Variants in HLTF observed in about 807,000 individuals in gnomAD.
The protein encoded by HLTF is helicase like transcription factor.
Under a neutral mutation model 129.4 loss-of-function variants are expected in HLTF, and 127 were observed. The ratio of observed to expected loss-of-function variants is 0.98; its 90% confidence interval spans 0.85 to 1.14. HLTF has a LOEUF of 1.14. Among genes scored for constraint, HLTF ranks in the 50% most tolerant of loss-of-function variants. The pLI is 0.00. For synonymous variants in HLTF, 332 were observed against 388.8 expected (o/e 0.85, Z 1.72); for missense variants, 1,139 against 1,187.1 (o/e 0.96, Z 0.60).
intron 13 of HLTF, among the ~76,000 whole-genome samples, chr3:149,056,680 T>A (rs1717464484): frequency 6.6e-6 from 1 of 152,224 alleles, no homozygotes. Flanking sequence ...ATTTATAAAG[T>A]AGGTGCAGTA....
At chr3:149,048,698 C>T (rs185710515) in intron 16 of HLTF, among the ~76,000 whole-genome samples, 165 bp downstream of exon 16, 25 of 152,220 alleles carry the variant, frequency 1.6e-4, no homozygotes, top group Non-Finnish European at 2.9e-4. Flanking sequence ...TGTTATATCA[C>T]GGGCAATTAT....
Position 149,076,024 on chromosome 3 carries a change from T to C in HLTF, c.252A>G (p.Ala84=), listed in dbSNP as rs1192413413. The C allele has an allele frequency of 7.1e-7, 1 of 1,415,122 alleles. No individual in the cohort carries two copies. The highest frequency in any genetic ancestry group is 9.9e-7 in the Non-Finnish European group (1 of 1,010,546). 87.7% of individuals were successfully genotyped at this position (1,415,122 alleles called of 1,614,324 possible). ...TGVVNNNEMV[A]LQRDPNNPYD... ...AAGGGTTATTAGGATCTCGTTGTAA[T>C]GCAACCATTTCATTATTATTAACCT... Residue 84 remains alanine (A), a synonymous_variant, in exon 3 of 25, where the codon GCA becomes GCG. Transcript: ENST00000310053.
chr3:149,049,264 C>T (rs1164112851), intron 15 of HLTF, among the ~76,000 whole-genome samples: 1 of 152,144 alleles, frequency 6.6e-6, no homozygotes, highest in Non-Finnish European at 1.5e-5. Flanking sequence ...GCAGAACTAG[C>T]ATTCAAACCC....
chr3:149,053,472 C>T (rs1024557697), intron 14 of HLTF, among the ~76,000 whole-genome samples: 3 of 152,198 alleles, frequency 2.0e-5, no homozygotes, highest in African/African-American at 7.2e-5. Context: ...AGAGTGTAAG[C>T]TTCCTGAGGC....
In HLTF at chr3:149,060,644, T is replaced by A; in HGVS notation, c.1284A>T (p.Lys428Asn). 1 of 1,609,956 alleles carries A rather than the reference T, an allele frequency of 6.2e-7. No homozygotes were observed. ...TATGGGTATATAGTATACACATACC[T>A]TTCGCCCTGCCTTTAGTTTCAGACT... Reference protein sequence around the residue: ...NVQSETKGRAKAGSSKVIEDV... With the variant: ...NVQSETKGRANAGSSKVIEDV... Residue 428 changes from lysine (K) to asparagine (N), a missense_variant and splice_region_variant, in exon 12 of 25, where the codon AAA becomes AAT. Lys to Asn is a moderately conservative substitution (Grantham distance 94). Coordinates refer to ENST00000310053, the MANE Select transcript of HLTF (RefSeq NM_003071.4).
At chr3:149,060,975 A>C (rs756125020) in intron 10 of HLTF, 117 bp from the exon 11 acceptor site, 102 of 684,864 alleles carry the variant, frequency 1.5e-4, no homozygotes, top group Admixed American at 2.7e-4. Flanking sequence ...TTTTTTGAAA[A>C]ATTTTTTAAA....
intron 22 of HLTF, 121 bp downstream of exon 22, chr3:149,039,460 A>G (rs1235313104): frequency 1.3e-5 from 8 of 619,362 alleles, no homozygotes; most frequent in South Asian, 2.8e-5. Flanking sequence ...GTGACTCTGA[A>G]TATCTTTCAG....
At chr3:149,054,348 A>T (rs1309662041) in intron 14 of HLTF, among the ~76,000 whole-genome samples, 1 of 152,180 alleles carries the variant, frequency 6.6e-6, no homozygotes, top group Non-Finnish European at 1.5e-5. Flanking sequence ...TATCAGGAAG[A>T]GCCAGTGGGA....
chr3:149,062,401 C>T (rs1718024887), intron 10 of HLTF, among the ~76,000 whole-genome samples: 1 of 152,214 alleles, frequency 6.6e-6, no homozygotes, highest in Non-Finnish European at 1.5e-5. Flanking sequence ...CTGATGAGTG[C>T]TGGCTTTGTG....
intron 18 of HLTF, among the ~76,000 whole-genome samples, chr3:149,043,398 CAG>C (rs1359070480): frequency 1.3e-5 from 2 of 151,026 alleles, no homozygotes; most frequent in Non-Finnish European, 3.0e-5. Flanking sequence ...CTAACATACA[CAG>C]AGAGAAATAA....
intron 15 of HLTF, among the ~76,000 whole-genome samples, chr3:149,049,808 G>A (rs1402629350): frequency 6.6e-6 from 1 of 152,108 alleles, no homozygotes; most frequent in Non-Finnish European, 1.5e-5. Flanking sequence ...GCCTGACCAA[G>A]ATGGTGAAAC....
At chr3:149,073,126 C>T in intron 5 of HLTF, 99 bp downstream of exon 5, 1 of 584,008 alleles carries the variant, frequency 1.7e-6, no homozygotes, top group East Asian at 3.0e-5. Context: ...ATTTGAAGAC[C>T]ACAAATACCC....
At chr3:149,063,036 G>T (rs1432599364) in intron 10 of HLTF, 1 of 456,140 alleles carries the variant, frequency 2.2e-6, no homozygotes, top group Non-Finnish European at 4.4e-6. Context: ...ACAAATATAA[G>T]GGTCATGGTC....
intron 8 of HLTF, among the ~76,000 whole-genome samples, chr3:149,067,988 G>A (rs987985360): frequency 6.6e-6 from 1 of 152,082 alleles, no homozygotes; most frequent in African/African-American, 2.4e-5. Context: ...TTGAGCCTGG[G>A]AAGCAGAGGT....
intron 13 of HLTF, among the ~76,000 whole-genome samples, chr3:149,058,543 T>C (rs1717666724): frequency 2.0e-5 from 3 of 152,242 alleles, no homozygotes; most frequent in African/African-American, 7.2e-5. Flanking sequence ...GAACCTTTTG[T>C]CAGTTACACT....
Position 149,086,462 on chromosome 3 carries a change from G to T in HLTF, c.-126C>A, listed in dbSNP as rs1322837227. ...GGACAAATTCCGAGCGCCGGATCAG[G>T]AGCGCACGACTGAAAGGTAAGTCGC... On this transcript the variant is annotated 5_prime_UTR_variant, in exon 1 of 25. Coordinates refer to ENST00000310053, the MANE Select transcript of HLTF (RefSeq NM_003071.4). The T allele has an allele frequency of 9.0e-7, 1 of 1,116,736 alleles. No homozygotes were observed. The highest frequency in any genetic ancestry group is 1.3e-6 in the Non-Finnish European group (1 of 767,442). The allele number at this position is 1,116,736 out of a possible 1,614,324, so 69.2% of individuals were successfully genotyped here.
intron 16 of HLTF, among the ~76,000 whole-genome samples, 194 bp from the exon 17 acceptor site, chr3:149,048,357 G>A (rs1716723418): frequency 6.6e-6 from 1 of 152,088 alleles, no homozygotes; most frequent in Admixed American, 6.6e-5. Flanking sequence ...ATACAGTTTT[G>A]CTCTAATTTT....
At chr3:149,042,332 A>G (rs1716202296) in intron 18 of HLTF, 42 bp from the exon 19 acceptor site, 1 of 1,522,006 alleles carries the variant, frequency 6.6e-7, no homozygotes, top group Non-Finnish European at 9.0e-7. Flanking sequence ...CCGCTAAACA[A>G]TAATAACTTC....
intron 1 of HLTF, among the ~76,000 whole-genome samples, chr3:149,085,997 G>T (rs1464577605): frequency 6.6e-6 from 1 of 152,134 alleles, no homozygotes; most frequent in Non-Finnish European, 1.5e-5. Context: ...CCTCCACCGA[G>T]CACAATGCCT....
Sources: gnomAD v4.1 joint callset for allele counts (sites outside exome capture counted in the v4.1 genomes callset) on GRCh38, gnomAD v4.1.1 for gene constraint, MANE v1.5 for transcripts, NCBI Gene and HGNC (gene_info 2026-07-23, HGNC 2026-07-21) for gene names.